The following ZFHX4 variants were observed in gnomAD, a reference collection of about 807,000 sequenced individuals.
The protein encoded by ZFHX4 is zinc finger homeobox protein 4.
Under a neutral mutation model 267.6 loss-of-function variants are expected in ZFHX4, and 56 were observed. That is an observed-to-expected ratio of 0.21 (90% confidence interval 0.17 to 0.26). The LOEUF is 0.26. Among genes scored for constraint, ZFHX4 ranks in the 10% least tolerant of loss-of-function variants. ZFHX4 has a pLI of 1.00. For synonymous variants in ZFHX4, 1,778 were observed against 1,665.6 expected (o/e 1.07, Z -1.64); for missense variants, 4,332 against 4,420.0 (o/e 0.98, Z 0.56).
chr8:76,732,942 A>G (rs1809061009), intron 3 of ZFHX4, among the ~76,000 whole-genome samples: 1 of 152,166 alleles, frequency 6.6e-6, no homozygotes, highest in Non-Finnish European at 1.5e-5. Flanking sequence ...AGCACATTTT[A>G]GTTCCCACTG....
At chr8:76,762,735 A>G (rs1809949168) in intron 3 of ZFHX4, among the ~76,000 whole-genome samples, 1 of 152,196 alleles carries the variant, frequency 6.6e-6, no homozygotes, top group Non-Finnish European at 1.5e-5. Flanking sequence ...AGTCAATCTT[A>G]TAGATGCCAA....
intron 5 of ZFHX4, among the ~76,000 whole-genome samples, chr8:76,841,732 A>T (rs916518238): frequency 6.6e-6 from 1 of 152,076 alleles, no homozygotes; most frequent in Non-Finnish European, 1.5e-5. Context: ...TATGATTTTT[A>T]TTTTTTGTGC....
intron 3 of ZFHX4, among the ~76,000 whole-genome samples, chr8:76,737,689 A>G (rs1458064518): frequency 6.6e-6 from 1 of 152,210 alleles, no homozygotes; most frequent in Non-Finnish European, 1.5e-5. Context: ...TGCTTTGCAT[A>G]GTGCCTGGAA....
At position 76,851,978 on chromosome 8, in the gene ZFHX4, A is replaced by G. The variant is rs559258695; in HGVS notation, c.5057A>G (p.His1686Arg). The G allele has an allele frequency of 1.2e-5, 19 of 1,613,980 alleles. No homozygotes were observed. In the South Asian group the frequency reaches 1.9e-4, roughly 16 times the overall value. ...TTAATCTCTGCTCAACCTGCACATCACCCACCACAGTCACCAGCACAAATT... is the reference window on the plus strand; with the variant it reads ...TTAATCTCTGCTCAACCTGCACATCGCCCACCACAGTCACCAGCACAAATT... Reference protein sequence around the residue: ...PDLISAQPAHHPPQSPAQIQM... With the variant: ...PDLISAQPAHRPPQSPAQIQM... Residue 1686 changes from histidine (H) to arginine (R), a missense_variant, in exon 10 of 11, where the codon CAC becomes CGC. This residue lies in a region of ZFHX4 where 1,371 missense variants were observed against 1,423.1 expected (regional missense o/e 0.96). Transcript: ENST00000651372.
intron 10 of ZFHX4, among the ~76,000 whole-genome samples, chr8:76,861,738 A>G (rs941932445): frequency 2.0e-5 from 3 of 152,002 alleles, no homozygotes; most frequent in African/African-American, 7.2e-5. Flanking sequence ...AGCTAAAGAA[A>G]AAGAAGCATA....
chr8:76,860,950 CTGTAGG>C (rs1399083258), intron 10 of ZFHX4, among the ~76,000 whole-genome samples: 1 of 152,064 alleles, frequency 6.6e-6, no homozygotes, highest in Non-Finnish European at 1.5e-5. Flanking sequence ...AGACATAGAA[CTGTAGG>C]AATAAAGGCA....
chr8:76,779,900 T>C (rs1810503819), intron 4 of ZFHX4, among the ~76,000 whole-genome samples: 1 of 152,074 alleles, frequency 6.6e-6, no homozygotes, highest in African/African-American at 2.4e-5. Flanking sequence ...TCTAAGGGTG[T>C]TAGCATAAAA....
At position 76,850,035 on chromosome 8, in the gene ZFHX4, AC is replaced by A. The variant is rs991875973; in HGVS notation, c.3847-208del. ...ATTATAAAAAAATAAACCTACAGGA[AC>A]CTTTAAGCCATAATAATAATAATAC... On this transcript the variant is annotated intron_variant, in intron 8 of 10. Transcript: ENST00000651372. The A allele has an allele frequency of 2.4e-5, 14 of 580,976 alleles. No individual in the cohort carries two copies. In the East Asian group the frequency reaches 3.7e-4, roughly 15 times the overall value. 36.0% of individuals were successfully genotyped at this position (580,976 alleles called of 1,614,324 possible).
In ZFHX4 at chr8:76,854,306, C is replaced by T. The variant is rs768310163; in HGVS notation, c.7385C>T (p.Pro2462Leu). Residue 2462 changes from proline (P) to leucine (L), a missense_variant, in exon 10 of 11, where the codon CCT becomes CTT. Pro to Leu is a moderately conservative substitution (Grantham distance 98). Transcript: ENST00000651372. ...AAACAACCCCAACTTATCGGAAGAC[C>T]TCCCTCGGCCTCTCAAACACCGGTC... ...PPKQPQLIGRPPSASQTPVPS... is the reference protein window; with the variant it reads ...PPKQPQLIGRLPSASQTPVPS... The T allele has an allele frequency of 5.0e-6, 8 of 1,611,590 alleles. No individual in the cohort carries two copies. In the South Asian group the frequency reaches 8.8e-5, roughly 18 times the overall value.
intron 4 of ZFHX4, among the ~76,000 whole-genome samples, chr8:76,829,411 A>G (rs1443423767): frequency 6.6e-6 from 1 of 152,030 alleles, no homozygotes; most frequent in Non-Finnish European, 1.5e-5. Flanking sequence ...AAAAGGTAGA[A>G]AGGAGTAATG....
At chr8:76,788,074 A>C (rs1810740396) in intron 4 of ZFHX4, among the ~76,000 whole-genome samples, 1 of 152,168 alleles carries the variant, frequency 6.6e-6, no homozygotes, top group Non-Finnish European at 1.5e-5. Context: ...GATTTACACA[A>C]GTAGTAACTG....
chr8:76,689,466 C>T (rs553931822), intron 1 of ZFHX4, among the ~76,000 whole-genome samples: 18 of 152,242 alleles, frequency 1.2e-4, no homozygotes, highest in Non-Finnish European at 4.4e-5. Context: ...CATGTGAGAA[C>T]TAAAAGTGCA....
In ZFHX4 at chr8:76,854,985, G is replaced by C; in HGVS notation, c.8064G>C (p.Ser2688=). 1 of 1,613,894 alleles carries C rather than the reference G, an allele frequency of 6.2e-7. No homozygotes were observed. Among genetic ancestry groups the C allele is most frequent in the Non-Finnish European group, 8.5e-7 (1 of 1,179,878 alleles). Residue 2688 remains serine (S), a synonymous_variant, in exon 10 of 11, where the codon TCG becomes TCC. Coordinates refer to ENST00000651372, the MANE Select transcript of ZFHX4 (RefSeq NM_024721.5). The part of the protein sequence containing the change: ...PFCRALFKAK[S]ALESHIRSRH... Reference sequence around the variant, plus strand: ...GCCGAGCCCTGTTTAAAGCAAAGTCGGCCTTAGAAAGCCACATTCGCTCTC... The same window carrying C: ...GCCGAGCCCTGTTTAAAGCAAAGTCCGCCTTAGAAAGCCACATTCGCTCTC...
At chr8:76,830,012 A>G (rs1036395005) in intron 4 of ZFHX4, among the ~76,000 whole-genome samples, 9 of 152,150 alleles carry the variant, frequency 5.9e-5, no homozygotes, top group African/African-American at 1.7e-4. Context: ...TTTCAAAACT[A>G]TAGTTCAATG....
intron 3 of ZFHX4, among the ~76,000 whole-genome samples, chr8:76,759,995 G>A (rs1403994251): frequency 1.3e-5 from 2 of 152,078 alleles, no homozygotes; most frequent in African/African-American, 4.8e-5. Context: ...CATAGATATG[G>A]TCATTCAGTG....
At position 76,778,347 on chromosome 8, in the gene ZFHX4, G is replaced by A. The variant is rs1338658046; in HGVS notation, c.3233G>A (p.Arg1078Gln). Residue 1078 changes from arginine (R) to glutamine (Q), a missense_variant, in exon 4 of 11, where the codon CGG becomes CAG. Arg to Gln is a conservative substitution (Grantham distance 43, BLOSUM62 1). Transcript: ENST00000651372. ...SVKHQQTEGL[R>Q]KLQLHQQGLA... ...AAGCATCAGCAGACTGAGGGCCTACGGAAGCTCCAGCTCCACCAGCAAGGC... is the reference window on the plus strand; with the variant it reads ...AAGCATCAGCAGACTGAGGGCCTACAGAAGCTCCAGCTCCACCAGCAAGGC... The A allele has an allele frequency of 1.2e-6, 2 of 1,613,824 alleles. No homozygotes were observed. The highest frequency in any genetic ancestry group is 1.1e-5 in the South Asian group (1 of 91,080).
chr8:76,862,615 T>C (rs1812899898), intron 10 of ZFHX4, among the ~76,000 whole-genome samples: 1 of 152,240 alleles, frequency 6.6e-6, no homozygotes, highest in African/African-American at 2.4e-5. Flanking sequence ...CAGATGGATT[T>C]CATTGTATTT....
intron 6 of ZFHX4, among the ~76,000 whole-genome samples, chr8:76,847,754 T>C (rs1463960873): frequency 6.6e-6 from 1 of 152,198 alleles, no homozygotes; most frequent in Non-Finnish European, 1.5e-5. Flanking sequence ...TGTTTATTTT[T>C]ACTTTGTTTC....
At chr8:76,799,546 A>G (rs1181481176) in intron 4 of ZFHX4, among the ~76,000 whole-genome samples, 1 of 152,140 alleles carries the variant, frequency 6.6e-6, no homozygotes, top group African/African-American at 2.4e-5. Context: ...GAAAACAAAA[A>G]TCCTTATTAA....
Sources: gnomAD v4.1 joint callset for allele counts (sites outside exome capture counted in the v4.1 genomes callset) on GRCh38, gnomAD v4.1.1 for gene constraint, gnomAD v4.1.1 regional missense constraint, MANE v1.5 for transcripts, NCBI Gene and HGNC (gene_info 2026-07-23, HGNC 2026-07-21) for gene names.